DCAF8L2: variants seen among roughly 807,000 people sequenced by gnomAD.
The protein encoded by DCAF8L2 is DDB1 and CUL4 associated factor 8 like 2.
For synonymous variants in DCAF8L2, 200 were observed against 190.9 expected (o/e 1.05, Z -0.39); for missense variants, 430 against 490.7 (o/e 0.88, Z 1.17).
At chrX:27,673,714 T>TATAC (rs1555926528) in intron 2 of DCAF8L2, among the ~76,000 whole-genome samples, 3 of 108,549 alleles carry the variant, frequency 2.8e-5, no homozygotes, top group Admixed American at 1.0e-4. Flanking sequence ...TATATATATA[T>TATAC]ACACACACAC....
the DCAF8L2 span, among the ~76,000 whole-genome samples, chrX:27,579,946 A>G: frequency 6.4e-5 from 7 of 109,260 alleles, no homozygotes; most frequent in Non-Finnish European, 1.1e-4. Flanking sequence ...CTTATAAAAT[A>G]TATTATAAAT....
At chrX:27,603,122 G>A (rs1393579253) in intron 1 of DCAF8L2, among the ~76,000 whole-genome samples, 1 of 111,848 alleles carries the variant, frequency 8.9e-6, no homozygotes, top group Non-Finnish European at 1.9e-5. Flanking sequence ...GTAGGTCCCT[G>A]GACAGCAGCC....
chrX:27,599,712 G>C (rs780382177), intron 1 of DCAF8L2, among the ~76,000 whole-genome samples: 1 of 110,538 alleles, frequency 9.0e-6, no homozygotes, highest in South Asian at 3.9e-4. Flanking sequence ...ATTTGCCCCC[G>C]CCCCGTGCAC....
At chrX:27,726,235 T>C (rs1463098007) in intron 4 of DCAF8L2, among the ~76,000 whole-genome samples, 1 of 111,541 alleles carries the variant, frequency 9.0e-6, no homozygotes, top group Non-Finnish European at 1.9e-5. Flanking sequence ...GTAATCTGAA[T>C]GGGATTTGGG....
intron 2 of DCAF8L2, among the ~76,000 whole-genome samples, chrX:27,648,868 T>C (rs1929045036): frequency 8.9e-6 from 1 of 111,748 alleles, no homozygotes; most frequent in Non-Finnish European, 1.9e-5. Flanking sequence ...TACATCTTTG[T>C]CCTAGAAGAT....
upstream of DCAF8L2, among the ~76,000 whole-genome samples, chrX:27,586,312 GTA>G (rs201885838): frequency 9.1e-6 from 1 of 110,432 alleles, no homozygotes; most frequent in African/African-American, 3.3e-5. Context: ...TGGGTCATAG[GTA>G]TATATATATA....
intron 3 of DCAF8L2, among the ~76,000 whole-genome samples, chrX:27,687,113 C>A (rs915429920): frequency 5.4e-5 from 6 of 111,743 alleles, no homozygotes; most frequent in African/African-American, 2.0e-4. Context: ...AGGTGATGGA[C>A]ACCCCCAAAT....
At chrX:27,660,204 AG>A (rs1438000678) in intron 2 of DCAF8L2, among the ~76,000 whole-genome samples, 1 of 110,760 alleles carries the variant, frequency 9.0e-6, no homozygotes, top group African/African-American at 3.3e-5. Flanking sequence ...TTGTATTTTT[AG>A]TAGAAATGTG....
At chrX:27,702,925 C>A (rs1204553658) in intron 3 of DCAF8L2, among the ~76,000 whole-genome samples, 1 of 111,137 alleles carries the variant, frequency 9.0e-6, no homozygotes, top group Non-Finnish European at 1.9e-5. Context: ...TTTCAGATGA[C>A]CTGACCTTGT....
the DCAF8L2 span, among the ~76,000 whole-genome samples, chrX:27,514,677 A>AC: frequency 7.0e-5 from 5 of 71,032 alleles, 1 homozygote; most frequent in South Asian, 2.0e-3. Flanking sequence ...TCAAAAAAAA[A>AC]AAAAAAAAAA....
At chrX:27,493,865 G>T in the DCAF8L2 span, among the ~76,000 whole-genome samples, 1 of 110,953 alleles carries the variant, frequency 9.0e-6, no homozygotes, top group East Asian at 2.8e-4. Flanking sequence ...GCAGTTTGTG[G>T]GCTTTTGTTT....
At chrX:27,519,207 A>G in the DCAF8L2 span, 1 of 1,080,747 alleles carries the variant, frequency 9.3e-7, no homozygotes, top group Non-Finnish European at 1.3e-6. Flanking sequence ...TGGAACGTCT[A>G]AGACAGATTG....
intron 1 of DCAF8L2, among the ~76,000 whole-genome samples, chrX:27,597,811 C>G (rs951629244): frequency 1.8e-5 from 2 of 112,191 alleles, no homozygotes; most frequent in South Asian, 3.6e-4. Flanking sequence ...TTTACAGCCA[C>G]GCTACTTAGG....
intron 2 of DCAF8L2, among the ~76,000 whole-genome samples, chrX:27,662,190 A>T (rs1465278729): frequency 9.0e-6 from 1 of 111,220 alleles, no homozygotes; most frequent in Non-Finnish European, 1.9e-5. Context: ...TATAGATATT[A>T]TGTCTGTAAA....
intron 2 of DCAF8L2, among the ~76,000 whole-genome samples, chrX:27,655,940 T>TA (rs1195147392): frequency 1.8e-5 from 2 of 111,565 alleles, no homozygotes; most frequent in East Asian, 2.8e-4. Context: ...TAATTTTTTA[T>TA]AAAAAACCTC....
the DCAF8L2 span, among the ~76,000 whole-genome samples, chrX:27,547,411 G>A: frequency 8.9e-6 from 1 of 111,899 alleles, no homozygotes; most frequent in South Asian, 3.7e-4. Context: ...TACCCCACCA[G>A]TCCCAATTTA....
the DCAF8L2 span, among the ~76,000 whole-genome samples, chrX:27,564,297 A>T: frequency 2.7e-5 from 3 of 111,192 alleles, no homozygotes; most frequent in African/African-American, 9.8e-5. Context: ...CCCATGATTC[A>T]ATTACTTCCC....
chrX:27,685,784 A>G (rs775768564), intron 3 of DCAF8L2, among the ~76,000 whole-genome samples: 1 of 112,005 alleles, frequency 8.9e-6, no homozygotes, highest in Admixed American at 9.5e-5. Flanking sequence ...CAATCAGCAG[A>G]GTGAAAAGAC....
At chrX:27,716,923 C>T (rs1931720223) in intron 4 of DCAF8L2, among the ~76,000 whole-genome samples, 1 of 111,325 alleles carries the variant, frequency 9.0e-6, no homozygotes. Flanking sequence ...GTGTTGTTCT[C>T]CTCCCTGTGT....
Sources: allele counts gnomAD v4.1 joint callset (sites outside exome capture counted in the v4.1 genomes callset), GRCh38; gene constraint gnomAD v4.1.1; transcripts MANE v1.5; gene names NCBI Gene and HGNC (gene_info 2026-07-23, HGNC 2026-07-21).